Variants in HSP90AB1 observed in about 807,000 individuals in gnomAD.
HSP90AB1 encodes the protein heat shock protein 90 alpha family class B member 1.
A neutral mutation model predicts 67.8 loss-of-function variants in HSP90AB1; 17 were observed. The observed-to-expected ratio is 0.25, with a 90% CI of 0.17 to 0.38. The LOEUF (loss-of-function observed/expected upper bound fraction) is 0.38. HSP90AB1 is among the 10% of genes least tolerant of loss of function. HSP90AB1 has a pLI of 1.00. For synonymous variants in HSP90AB1, 390 were observed against 312.9 expected, an observed-to-expected ratio of 1.25 and a Z score of -2.60; for missense variants, 690 against 899.9, an observed-to-expected ratio of 0.77 and a Z score of 2.98.
intron 10 of HSP90AB1, 53 bp downstream of exon 10, chr6:44,252,320 C>T: frequency 1.3e-6 from 2 of 1,532,834 alleles, no homozygotes; most frequent in Non-Finnish European, 8.9e-7. Context: ...AGGTGGGCTC[C>T]CTCACAAGCA....
chr6:44,246,526 C>T (rs1779923893), upstream of HSP90AB1, among the ~76,000 whole-genome samples: 1 of 152,212 alleles, frequency 6.6e-6, no homozygotes, highest in Admixed American at 6.5e-5. Flanking sequence ...CCAGCCCCGG[C>T]CGGCGCCCTC....
intron 6 of HSP90AB1, among the ~76,000 whole-genome samples, 186 bp from the exon 7 acceptor site, chr6:44,250,862 C>T (rs761956117): frequency 6.6e-6 from 1 of 152,176 alleles, no homozygotes; most frequent in Admixed American, 6.5e-5. Flanking sequence ...GGACTGTTTT[C>T]TACATACAGC....
chr6:44,249,885 C>T (rs1196068867), intron 4 of HSP90AB1, 51 bp downstream of exon 4: 2 of 1,592,366 alleles, frequency 1.3e-6, no homozygotes, highest in East Asian at 2.2e-5. Context: ...TTTCTGGGCT[C>T]ACACCAGTAG....
intron 1 of HSP90AB1, among the ~76,000 whole-genome samples, chr6:44,248,335 A>C (rs781666052): frequency 3.9e-5 from 6 of 152,226 alleles, no homozygotes; most frequent in African/African-American, 1.4e-4. Context: ...TTTCTGCCAT[A>C]CTACCAGATG....
chr6:44,253,201 C>T lies in HSP90AB1; in HGVS notation c.1888C>T (p.Pro630Ser), dbSNP rs1472671437. Residue 630 changes from proline to serine, a missense_variant, in exon 11 of 12, where the codon CCT (proline) becomes TCT (serine). This residue lies in a region of HSP90AB1 where 120 missense variants were observed against 153.5 expected (regional missense o/e 0.78). Coordinates refer to ENST00000371646, the MANE Select transcript of HSP90AB1 (RefSeq NM_007355.4). Reference protein sequence around the residue: ...MMAKKHLEINPDHPIVETLRQ... With the variant: ...MMAKKHLEINSDHPIVETLRQ... Reference sequence around the variant, plus strand: ...GGCCAAAAAGCACCTGGAGATCAACCCTGACCACCCCATTGTGGAGACGCT... The same window carrying T: ...GGCCAAAAAGCACCTGGAGATCAACTCTGACCACCCCATTGTGGAGACGCT... The T allele has an allele frequency of 6.2e-7, 1 of 1,614,202 alleles. No individual in the cohort carries two copies. Among genetic ancestry groups the T allele is most frequent in the Non-Finnish European group, 8.5e-7 (1 of 1,180,030 alleles).
chr6:44,248,858 G>A, intron 2 of HSP90AB1, 82 bp downstream of exon 2: 1 of 1,272,918 alleles, frequency 7.9e-7, no homozygotes, highest in Non-Finnish European at 1.1e-6. Flanking sequence ...TTTGGCCTTT[G>A]TTGGGGACTA....
chr6:44,250,626 C>T (rs1382629729), intron 6 of HSP90AB1, 27 bp downstream of exon 6: 3 of 1,248,356 alleles, frequency 2.4e-6, no homozygotes, highest in Non-Finnish European at 3.5e-6. Context: ...CATGTTGGCT[C>T]AACATGCACA....
chr6:44,251,293 C>G lies in HSP90AB1; in HGVS notation c.1123+80C>G, dbSNP rs35142270. ...ATTCTGCTAGGATATTCTAAGGTAA[C>G]AGTTTTCTGCAATACATAGTAGGTG... On this transcript the variant is annotated intron_variant, in intron 7 of 11. Coordinates refer to ENST00000371646, the MANE Select transcript of HSP90AB1 (RefSeq NM_007355.4). 902 of 1,554,230 alleles carry G rather than the reference C, an allele frequency of 5.8e-4. 10 individuals carry two copies. In the African/African-American group the frequency reaches 0.011, roughly 19 times the overall value.
In HSP90AB1 at chr6:44,250,293, GGAGAAGGAACGA is replaced by G; in HGVS notation, c.661_672del (p.Arg221_Glu224del). ...TAACTTCTGTTTTTGTTACTTAGTT[GGAGAAGGAACGA>G]GAGAAGGAAATTAGTGATGATGAGG... On this transcript the variant is annotated inframe_deletion, in exon 6 of 12. Transcript: ENST00000371646. The G allele has an allele frequency of 6.2e-7, 1 of 1,613,042 alleles. No individual in the cohort carries two copies.
chr6:44,253,536 C>T lies in HSP90AB1; in HGVS notation c.2113C>T (p.Pro705Ser), dbSNP rs559392885. 6.2e-7 allele frequency: 1 copy of T among 1,614,134 alleles called. No individual in the cohort carries two copies. The highest frequency in any genetic ancestry group is 1.7e-5 in the Admixed American group (1 of 60,028). The change falls in exon 12 of 12, where the codon CCT becomes TCT. Residue 705 changes from proline to serine, a missense_variant. Pro to Ser is a moderately conservative substitution (Grantham distance 74, BLOSUM62 -1). This residue lies in a region of HSP90AB1 where 120 missense variants were observed against 153.5 expected (regional missense o/e 0.78). Coordinates refer to ENST00000371646, the MANE Select transcript of HSP90AB1 (RefSeq NM_007355.4). ...VAAEEPNAAV[P>S]DEIPPLEGDE... is the part of the protein sequence containing the mutation. Reference sequence around the variant, plus strand: ...AGCAGAGGAACCCAATGCTGCAGTTCCTGATGAGATCCCCCCTCTCGAGGG... The same window carrying T: ...AGCAGAGGAACCCAATGCTGCAGTTTCTGATGAGATCCCCCCTCTCGAGGG...
chr6:44,253,012 A>T (rs753261999), intron 10 of HSP90AB1, 33 bp from the exon 11 acceptor site: 28 of 1,554,984 alleles, frequency 1.8e-5, no homozygotes, highest in Non-Finnish European at 2.5e-5. Flanking sequence ...CAAAGTGGTA[A>T]TGTCAATCTA....
At position 44,248,615 on chromosome 6, in the gene HSP90AB1, A is replaced by G. The variant is rs1780270312; in HGVS notation, c.1-15A>G. The G allele has an allele frequency of 2.5e-6, 4 of 1,596,408 alleles. No individual in the cohort carries two copies. Among genetic ancestry groups the G allele is most frequent in the Non-Finnish European group, 3.4e-6 (4 of 1,174,692 alleles). On this transcript the variant is annotated splice_polypyrimidine_tract_variant and intron_variant, in intron 1 of 11. Coordinates refer to ENST00000371646, the MANE Select transcript of HSP90AB1 (RefSeq NM_007355.4). Reference sequence around the variant, plus strand: ...CCTTAGTGTTCTTTTGTAATTAATGAGATTTTTATTTTAGATGCCTGAGGA... The same window carrying G: ...CCTTAGTGTTCTTTTGTAATTAATGGGATTTTTATTTTAGATGCCTGAGGA...
intron 1 of HSP90AB1, among the ~76,000 whole-genome samples, chr6:44,247,511 C>T (rs113561517): frequency 5.9e-5 from 9 of 152,266 alleles, no homozygotes; most frequent in African/African-American, 2.2e-4. Context: ...CATTTTTGCC[C>T]CTCCACTTCC....
At position 44,253,792 on chromosome 6, in the gene HSP90AB1, G is replaced by C. The variant is rs1170860766; in HGVS notation, c.*194G>C. The C allele has an allele frequency of 1.3e-6, 1 of 775,460 alleles. No homozygotes were observed. The highest frequency in any genetic ancestry group is 2.4e-6 in the Non-Finnish European group (1 of 415,722). The allele number at this position is 775,460 out of a possible 1,614,324, so 48.0% of individuals were successfully genotyped here. ...ATTCCCTCTCTACTCTTGACAGCAG[G>C]ATTGGATGTTGTGTATTGTGGTTTA... is the stretch of plus-strand genomic sequence containing the variant. On this transcript the variant is annotated 3_prime_UTR_variant, in exon 12 of 12. Coordinates refer to ENST00000371646, the MANE Select transcript of HSP90AB1 (RefSeq NM_007355.4).
chr6:44,249,361 C>T lies in HSP90AB1; in HGVS notation c.148-16C>T, dbSNP rs750869429. On this transcript the variant is annotated splice_polypyrimidine_tract_variant and intron_variant, in intron 2 of 11. Coordinates refer to ENST00000371646, the MANE Select transcript of HSP90AB1 (RefSeq NM_007355.4). ...TCTTGGAAAGAGCAAAAGTAAGTTG[C>T]TGTTTGTATTTCCAGGCCTTGGACA... The T allele has an allele frequency of 2.5e-6, 4 of 1,603,846 alleles. No individual in the cohort carries two copies. Among genetic ancestry groups the T allele is most frequent in the Non-Finnish European group, 2.6e-6 (3 of 1,170,844 alleles).
At position 44,253,674 on chromosome 6, in the gene HSP90AB1, C is replaced by T. The variant is rs1202344628; in HGVS notation, c.*76C>T. On this transcript the variant is annotated 3_prime_UTR_variant, in exon 12 of 12. Transcript: ENST00000371646. The stretch of plus-strand genomic sequence containing the variant: ...GGCTCCCACTGCAGCCTCGAGTGCC[C>T]CTGTCCCACCTGGCTCCCCCTGCTG... 2.9e-6 allele frequency: 3 copies of T among 1,037,272 alleles called. No individual in the cohort carries two copies. The highest frequency in any genetic ancestry group is 4.7e-5 in the East Asian group (2 of 42,312). The allele number at this position is 1,037,272 out of a possible 1,614,324, so 64.3% of individuals were successfully genotyped here. A position where few individuals can be genotyped will look rare whatever the true frequency, so the allele number is the denominator to read the frequency against.
chr6:44,251,322 G>A, intron 7 of HSP90AB1, 96 bp from the exon 8 acceptor site: 2 of 1,516,260 alleles, frequency 1.3e-6, no homozygotes, highest in South Asian at 1.1e-5. Context: ...GTAGGTGTAA[G>A]GGTTCAGGAG....
rs1215093133 is a variant in HSP90AB1, at chr6:44,250,354, G to A, written c.712G>A (p.Glu238Lys). Reference sequence around the variant, plus strand: ...GGCAGAGGAAGAGAAAGGTGAGAAAGAAGAGGAAGATAAAGATGATGAAGA... The same window carrying A: ...GGCAGAGGAAGAGAAAGGTGAGAAAAAAGAGGAAGATAAAGATGATGAAGA... Reference protein sequence around the residue: ...DEAEEEKGEKEEEDKDDEEKP... With the variant: ...DEAEEEKGEKKEEDKDDEEKP... The change falls in exon 6 of 12, where the codon GAA becomes AAA. Residue 238 changes from glutamate to lysine, a missense_variant. Around this residue, in one of 7 missense-constraint regions of HSP90AB1, gnomAD observed 146 missense variants for 143.7 expected, o/e 1.02. Coordinates refer to ENST00000371646, the MANE Select transcript of HSP90AB1 (RefSeq NM_007355.4). 2.5e-6 allele frequency: 4 copies of A among 1,613,716 alleles called. No individual in the cohort carries two copies. The South Asian group carries it at 4.4e-5, about 18-fold the overall frequency.
chr6:44,250,303 CGA>C lies in HSP90AB1; in HGVS notation c.666_667del (p.Lys223GlyfsTer3). The stretch of plus-strand genomic sequence containing the variant: ...TTTTGTTACTTAGTTGGAGAAGGAA[CGA>C]GAGAAGGAAATTAGTGATGATGAGG... Reference protein sequence around the residue: ...YPITLYLEKEREKEISDDEAE... With the variant: ...YPITLYLEKEXEKEISDDEAE... On this transcript the variant is annotated frameshift_variant, in exon 6 of 12. Coordinates refer to ENST00000371646, the MANE Select transcript of HSP90AB1 (RefSeq NM_007355.4). LOFTEE classifies it high-confidence loss of function. 1 of 1,612,622 alleles carries C rather than the reference CGA, an allele frequency of 6.2e-7. No individual in the cohort carries two copies. Among genetic ancestry groups the C allele is most frequent in the Non-Finnish European group, 8.5e-7 (1 of 1,179,554 alleles).
Sources: gnomAD v4.1 joint callset for allele counts (sites outside exome capture counted in the v4.1 genomes callset) on GRCh38, gnomAD v4.1.1 for gene constraint, gnomAD v4.1.1 regional missense constraint, MANE v1.5 for transcripts, NCBI Gene and HGNC (gene_info 2026-07-23, HGNC 2026-07-21) for gene names.